The following RAD54L2 variants were observed in gnomAD, a reference collection of about 807,000 sequenced individuals.
RAD54L2 encodes helicase ARIP4.
In RAD54L2, 27 loss-of-function variants were observed where a neutral mutation model predicts 138.4. The observed-to-expected ratio is 0.20, with a 90% CI of 0.14 to 0.27. The LOEUF (loss-of-function observed/expected upper bound fraction) is 0.27, where lower values mean the gene tolerates loss of function less well. RAD54L2 is among the 10% of genes least tolerant of loss of function. RAD54L2 has a pLI of 1.00. For synonymous variants in RAD54L2, 644 were observed against 723.2 expected (o/e 0.89, Z 1.76); for missense variants, 1,396 against 1,890.2 (o/e 0.74, Z 4.85).
At chr3:51,577,746 T>G (rs1699511288) in intron 2 of RAD54L2, among the ~76,000 whole-genome samples, 1 of 152,106 alleles carries the variant, frequency 6.6e-6, no homozygotes, top group Non-Finnish European at 1.5e-5. Flanking sequence ...TGTCTCTGCT[T>G]TGGCTCACAC....
rs1701919179 is a variant in RAD54L2, at chr3:51,666,701, ATATC to A, written c.*3285_*3288del. 2 of 152,200 alleles carry A rather than the reference ATATC, an allele frequency of 1.3e-5. No homozygotes were observed. The highest frequency in any genetic ancestry group is 1.3e-4 in the Admixed American group (2 of 15,278). The allele number at this position is 152,200 out of a possible 1,614,324, so 9.4% of individuals were successfully genotyped here. ...GGTCATATCATTTTCTTTAGATTGG[ATATC>A]TATGAAGTCCACACCCCTTTGAGTT... On this transcript the variant is annotated 3_prime_UTR_variant, in exon 23 of 23. Coordinates refer to ENST00000684192, the MANE Select transcript of RAD54L2 (RefSeq NM_015106.4).
chr3:51,560,066 GAT>G (rs1699062656), intron 2 of RAD54L2, among the ~76,000 whole-genome samples: 41 of 150,890 alleles, frequency 2.7e-4, no homozygotes, highest in African/African-American at 8.7e-4. Context: ...GAAACTAAGT[GAT>G]TTGCTCCAGT....
intron 12 of RAD54L2, chr3:51,639,188 G>A (rs1029936323): frequency 1.8e-6 from 1 of 547,934 alleles, no homozygotes; most frequent in Non-Finnish European, 3.2e-6. Context: ...CATACTTACT[G>A]GCATGGCTCC....
At chr3:51,561,755 A>G (rs950366430) in intron 2 of RAD54L2, among the ~76,000 whole-genome samples, 2 of 151,016 alleles carry the variant, frequency 1.3e-5, no homozygotes, top group African/African-American at 2.4e-5. Context: ...TTTGTTCCCT[A>G]TGTTGCCCAG....
intron 2 of RAD54L2, among the ~76,000 whole-genome samples, chr3:51,548,397 A>G (rs940309722): frequency 1.2e-4 from 18 of 152,142 alleles, no homozygotes; most frequent in African/African-American, 4.1e-4. Flanking sequence ...CATGTCGGCC[A>G]GGCTGGTTTT....
intron 14 of RAD54L2, among the ~76,000 whole-genome samples, chr3:51,641,329 T>TTTC (rs1262376163): frequency 6.8e-6 from 1 of 147,584 alleles, no homozygotes; most frequent in South Asian, 2.1e-4. Flanking sequence ...TTTTTTTTTT[T>TTTC]TTCTCCTGAG....
At chr3:51,568,864 T>A (rs937047525) in intron 2 of RAD54L2, among the ~76,000 whole-genome samples, 1 of 152,186 alleles carries the variant, frequency 6.6e-6, no homozygotes, top group African/African-American at 2.4e-5. Flanking sequence ...ATGTTTTAAT[T>A]TGGTGTTTAT....
In RAD54L2 at chr3:51,663,509, A is replaced by G. The variant is rs1168155755; in HGVS notation, c.*89A>G. On this transcript the variant is annotated 3_prime_UTR_variant, in exon 23 of 23. Coordinates refer to ENST00000684192, the MANE Select transcript of RAD54L2 (RefSeq NM_015106.4). ...GTGATTTAGACCTTTTGAGAATAGG[A>G]CACTTGGCAGGAGGGAAAAGGAAGA... 1.4e-6 allele frequency: 2 copies of G among 1,407,872 alleles called. No individual in the cohort carries two copies. The highest frequency in any genetic ancestry group is 2.4e-5 in the East Asian group (1 of 41,914). The allele number at this position is 1,407,872 out of a possible 1,614,324, so 87.2% of individuals were successfully genotyped here.
intron 3 of RAD54L2, among the ~76,000 whole-genome samples, chr3:51,596,372 C>T (rs1699964665): frequency 1.3e-5 from 2 of 151,682 alleles, no homozygotes; most frequent in South Asian, 4.2e-4. Flanking sequence ...TATTATTTCT[C>T]CAAAGTAGTT....
At chr3:51,651,323 C>T (rs1342494085) in intron 19 of RAD54L2, among the ~76,000 whole-genome samples, 1 of 152,098 alleles carries the variant, frequency 6.6e-6, no homozygotes, top group African/African-American at 2.4e-5. Flanking sequence ...AAGTCCAGGA[C>T]CAGATGGATT....
chr3:51,639,677 C>G lies in RAD54L2; in HGVS notation c.2112+7C>G, dbSNP rs1446182895. Reference sequence around the variant, plus strand: ...CATTGTCACATATGAATGGGTGAGTCAAGCAGATCCTTCAGGAACCATAAA... The same window carrying G: ...CATTGTCACATATGAATGGGTGAGTGAAGCAGATCCTTCAGGAACCATAAA... On this transcript the variant is annotated splice_region_variant and intron_variant, in intron 13 of 22. Transcript: ENST00000684192. 1 of 1,613,014 alleles carries G rather than the reference C, an allele frequency of 6.2e-7. No individual in the cohort carries two copies. The highest frequency in any genetic ancestry group is 8.5e-7 in the Non-Finnish European group (1 of 1,179,512).
chr3:51,602,537 G>A (rs1700101398), intron 3 of RAD54L2, among the ~76,000 whole-genome samples: 1 of 152,156 alleles, frequency 6.6e-6, no homozygotes, highest in South Asian at 2.1e-4. Context: ...GTTAAGAGTC[G>A]GCTTGGAGTC....
intron 2 of RAD54L2, among the ~76,000 whole-genome samples, chr3:51,562,239 A>AT (rs1216839776): frequency 1.2e-3 from 173 of 143,064 alleles, no homozygotes; most frequent in African/African-American, 4.3e-3. Flanking sequence ...TTTAAATTTT[A>AT]TTTTTTTTTG....
At chr3:51,616,152 A>G (rs764911384) in intron 3 of RAD54L2, among the ~76,000 whole-genome samples, 5 of 152,108 alleles carry the variant, frequency 3.3e-5, no homozygotes, top group Non-Finnish European at 5.9e-5. Flanking sequence ...ATTCCCTTCT[A>G]GCTATTTTGA....
chr3:51,575,807 A>T (rs1484716897), intron 2 of RAD54L2, among the ~76,000 whole-genome samples: 2 of 152,110 alleles, frequency 1.3e-5, no homozygotes, highest in Admixed American at 1.3e-4. Context: ...GGACAATTTG[A>T]CTTCCTCTTT....
intron 20 of RAD54L2, among the ~76,000 whole-genome samples, chr3:51,657,347 C>T (rs1210297684): frequency 2.0e-5 from 3 of 152,168 alleles, no homozygotes; most frequent in Non-Finnish European, 4.4e-5. Flanking sequence ...AAATTGATTG[C>T]AACGATGACC....
intron 15 of RAD54L2, among the ~76,000 whole-genome samples, chr3:51,643,505 A>T (rs1701195453): frequency 6.6e-6 from 1 of 152,210 alleles, no homozygotes; most frequent in African/African-American, 2.4e-5. Context: ...CAAAACCCTT[A>T]GTCCTGCACT....
At position 51,573,877 on chromosome 3, in the gene RAD54L2, A is replaced by G. The variant is rs1699398821; in HGVS notation, c.-54-16490A>G. 2.0e-5 allele frequency among the ~76,000 whole-genome samples: 3 copies of G among 152,166 alleles called. No individual in the cohort carries two copies. In the South Asian group the frequency reaches 6.2e-4, roughly 32 times the overall value. ...TTTTAAAAATTATACTTTAAGTTCTAGGGTATATGTGCACAACGTGTAGGT... is the reference window on the plus strand; with the variant it reads ...TTTTAAAAATTATACTTTAAGTTCTGGGGTATATGTGCACAACGTGTAGGT... On this transcript the variant is annotated intron_variant, in intron 2 of 22. Transcript: ENST00000684192.
intron 1 of RAD54L2, among the ~76,000 whole-genome samples, chr3:51,540,055 C>T (rs1165019803): frequency 6.6e-6 from 1 of 152,130 alleles, no homozygotes; most frequent in African/African-American, 2.4e-5. Flanking sequence ...CTCATACTTT[C>T]TTTTCAGCAC....
Sources: allele counts gnomAD v4.1 joint callset (sites outside exome capture counted in the v4.1 genomes callset), GRCh38; gene constraint gnomAD v4.1.1; transcripts MANE v1.5; gene names NCBI Gene and HGNC (gene_info 2026-07-23, HGNC 2026-07-21).